The following CACNA2D3 variants were observed in gnomAD, a reference collection of about 807,000 sequenced individuals.
CACNA2D3 encodes calcium voltage-gated channel auxiliary subunit alpha2delta 3.
A neutral mutation model predicts 160.6 loss-of-function variants in CACNA2D3; 60 were observed. The ratio of observed to expected loss-of-function variants is 0.37; its 90% CI spans 0.30 to 0.46. CACNA2D3 has a LOEUF of 0.46. Ranked by LOEUF, CACNA2D3 falls within the 20% of genes least tolerant of loss-of-function variation. CACNA2D3 has a pLI of 1.00. For synonymous variants in CACNA2D3, 558 were observed against 492.9 expected (o/e 1.13, Z -1.75); for missense variants, 1,205 against 1,365.0 (o/e 0.88, Z 1.85).
intron 2 of CACNA2D3, among the ~76,000 whole-genome samples, chr3:54,266,374 G>A (rs1702518338): frequency 6.6e-6 from 1 of 152,196 alleles, no homozygotes; most frequent in Non-Finnish European, 1.5e-5. Flanking sequence ...ATATGATGCG[G>A]CATCAAGGAA....
rs548427226 is a variant in CACNA2D3 at position 54,814,309 on chromosome 3, C to T, written c.1381-2544C>T. On this transcript the variant is annotated intron_variant, in intron 13 of 37. Transcript: ENST00000474759. ...GGCCATCCAAGACCTGGCCTTTCCC[C>T]AGCCCTCTCTCTATCATTCCACTTT... 3.3e-5 allele frequency among the ~76,000 whole-genome samples: 5 copies of T among 152,358 alleles called. No individual in the cohort carries two copies. The South Asian group carries it at 8.3e-4, about 25-fold the overall frequency.
At chr3:54,957,295 C>T (rs370047817) in intron 27 of CACNA2D3, among the ~76,000 whole-genome samples, 11 of 151,872 alleles carry the variant, frequency 7.2e-5, no homozygotes, top group African/African-American at 1.2e-4. Flanking sequence ...TATAGGTGTA[C>T]GCCACTGCAC....
chr3:54,331,234 A>G (rs979619629), intron 3 of CACNA2D3, among the ~76,000 whole-genome samples: 1 of 152,358 alleles, frequency 6.6e-6, no homozygotes, highest in Middle Eastern at 3.4e-3. Flanking sequence ...CCAGATTTAA[A>G]TCTTGGAAAA....
intron 27 of CACNA2D3, among the ~76,000 whole-genome samples, chr3:54,966,467 T>C (rs910956616): frequency 1.3e-4 from 20 of 152,164 alleles, no homozygotes; most frequent in African/African-American, 4.8e-4. Context: ...CCCCAACAGC[T>C]GATTTACTAA....
At chr3:54,597,388 T>C (rs1003190941) in intron 9 of CACNA2D3, among the ~76,000 whole-genome samples, 1 of 152,144 alleles carries the variant, frequency 6.6e-6, no homozygotes, top group Non-Finnish European at 1.5e-5. Context: ...TTTCTTTCTT[T>C]CTTTTTTTTC....
At chr3:54,864,077 C>T (rs943387769) in intron 17 of CACNA2D3, among the ~76,000 whole-genome samples, 1 of 152,250 alleles carries the variant, frequency 6.6e-6, no homozygotes, top group East Asian at 1.9e-4. Flanking sequence ...CTAGAGAAAT[C>T]TGGGCTGTCA....
chr3:54,284,676 C>A (rs1366981474), intron 2 of CACNA2D3, among the ~76,000 whole-genome samples: 1 of 152,164 alleles, frequency 6.6e-6, no homozygotes, highest in Non-Finnish European at 1.5e-5. Flanking sequence ...TGGAATAGAG[C>A]TCCTTCGGTA....
chr3:54,139,459 A>G (rs11718407), intron 2 of CACNA2D3, among the ~76,000 whole-genome samples: 11,289 of 152,322 alleles, frequency 0.074, 532 homozygotes, highest in African/African-American at 0.13. Flanking sequence ...CAGAAATGAC[A>G]TAGCATTTTG....
chr3:55,031,015 G>A (rs902862535), intron 35 of CACNA2D3, among the ~76,000 whole-genome samples: 1 of 152,178 alleles, frequency 6.6e-6, no homozygotes, highest in Admixed American at 6.5e-5. Flanking sequence ...GGGAAGAGGG[G>A]TGGGAGCACA....
chr3:54,559,581 T>C (rs114458323), intron 5 of CACNA2D3, among the ~76,000 whole-genome samples: 4,676 of 152,208 alleles, frequency 0.031, 235 homozygotes, highest in African/African-American at 0.11. Context: ...GTGTGAGCCA[T>C]CACGCCTGGC....
At chr3:54,157,237 G>C (rs575469393) in intron 2 of CACNA2D3, among the ~76,000 whole-genome samples, 9 of 152,290 alleles carry the variant, frequency 5.9e-5, no homozygotes, top group African/African-American at 1.9e-4. Flanking sequence ...CCAGCAGATA[G>C]CTTAAGGCCC....
At chr3:54,696,348 G>A (rs1700666742) in intron 11 of CACNA2D3, among the ~76,000 whole-genome samples, 1 of 152,126 alleles carries the variant, frequency 6.6e-6, no homozygotes, top group Non-Finnish European at 1.5e-5. Context: ...GGAGGAGTCT[G>A]CTTCCTACTA....
intron 5 of CACNA2D3, among the ~76,000 whole-genome samples, chr3:54,537,136 G>A (rs1225745640): frequency 6.6e-6 from 1 of 151,558 alleles, no homozygotes; most frequent in Non-Finnish European, 1.5e-5. Flanking sequence ...AAGAAGGGAG[G>A]GACAGGCAGG....
intron 8 of CACNA2D3, among the ~76,000 whole-genome samples, chr3:54,570,640 C>G (rs972885571): frequency 6.6e-6 from 1 of 151,966 alleles, no homozygotes; most frequent in Non-Finnish European, 1.5e-5. Flanking sequence ...ATGCCTTAAT[C>G]TTCATATTTT....
chr3:54,939,528 G>A (rs559439082), intron 27 of CACNA2D3, among the ~76,000 whole-genome samples: 1 of 152,342 alleles, frequency 6.6e-6, no homozygotes, highest in Admixed American at 6.5e-5. Flanking sequence ...GGGAAAAGAG[G>A]GCAGCCTGCT....
At chr3:54,507,326 C>T (rs1701387071) in intron 5 of CACNA2D3, among the ~76,000 whole-genome samples, 1 of 152,038 alleles carries the variant, frequency 6.6e-6, no homozygotes, top group Admixed American at 6.6e-5. Flanking sequence ...CTCCTTGATT[C>T]TTTTTGTCTT....
At chr3:54,165,359 C>T (rs1700431406) in intron 2 of CACNA2D3, among the ~76,000 whole-genome samples, 1 of 152,028 alleles carries the variant, frequency 6.6e-6, no homozygotes, top group Admixed American at 6.5e-5. Context: ...CCCTAAACTT[C>T]ACTCCTGCTC....
intron 11 of CACNA2D3, among the ~76,000 whole-genome samples, chr3:54,752,217 A>C (rs1237712239): frequency 6.6e-6 from 1 of 152,190 alleles, no homozygotes; most frequent in Non-Finnish European, 1.5e-5. Flanking sequence ...TTTATTCCCA[A>C]GAAGAGCACA....
rs966606951 is a variant in CACNA2D3 at position 54,122,748 on chromosome 3, G to A, written c.35G>A (p.Arg12Gln). 38 of 1,216,980 alleles carry A rather than the reference G, an allele frequency of 3.1e-5. 1 individual carries two copies. The African/African-American group carries it at 3.6e-4, about 12-fold the overall frequency. 75.4% of individuals were successfully genotyped at this position (1,216,980 alleles called of 1,614,324 possible). The change falls in exon 1 of 38, where the codon CGG (arginine) becomes CAG (glutamine). Residue 12 changes from arginine (R) to glutamine (Q), a missense_variant. Physicochemically the swap from Arg to Gln is conservative, Grantham distance 43. Transcript: ENST00000474759. ...AGPGSPRRASRGASALLAAAL... is the reference protein window; with the variant it reads ...AGPGSPRRASQGASALLAAAL... Reference sequence around the variant, plus strand: ...CCGGGCTCGCCGCGCCGCGCGTCCCGGGGGGCCTCGGCGCTTCTCGCTGCC... The same window carrying A: ...CCGGGCTCGCCGCGCCGCGCGTCCCAGGGGGCCTCGGCGCTTCTCGCTGCC...
Sources: gnomAD v4.1 joint callset for allele counts (sites outside exome capture counted in the v4.1 genomes callset) on GRCh38, gnomAD v4.1.1 for gene constraint, MANE v1.5 for transcripts, NCBI Gene and HGNC (gene_info 2026-07-23, HGNC 2026-07-21) for gene names.